The following SLC9A2 variants were observed in gnomAD, a reference collection of about 807,000 sequenced individuals.
SLC9A2 encodes the protein solute carrier family 9 member A2.
Under a neutral mutation model 71.7 loss-of-function variants are expected in SLC9A2, and 42 were observed. The observed-to-expected ratio is 0.59, with a 90% CI of 0.46 to 0.76. The LOEUF is 0.76. SLC9A2 is among the 30% of genes least tolerant of loss of function. SLC9A2 has a pLI of 0.00. For missense variants in SLC9A2, 829 were observed against 1,017.4 expected, an observed-to-expected ratio of 0.81 and a Z score of 2.52; for synonymous variants, 396 against 392.5, an observed-to-expected ratio of 1.01 and a Z score of -0.10.
rs779844156 is a variant in SLC9A2, at chr2:102,705,848, T to A, written c.1980T>A (p.Ala660=). The A allele has an allele frequency of 6.3e-7, 1 of 1,582,584 alleles. No homozygotes were observed. Among genetic ancestry groups the A allele is most frequent in the East Asian group, 2.3e-5 (1 of 44,192 alleles). ...KDSSLNREHR[A]STSTSRYLSL... Reference sequence around the variant, plus strand: ...AAGATTTTATATTTCTTTTACAGGCTTCCACTTCAACCTCCCGATATTTAT... The same window carrying A: ...AAGATTTTATATTTCTTTTACAGGCATCCACTTCAACCTCCCGATATTTAT... The change falls in exon 11 of 12, where the codon GCT becomes GCA. Residue 660 remains alanine, a splice_region_variant and synonymous_variant. Transcript: ENST00000233969.
chr2:102,679,580 A>G, intron 3 of SLC9A2, among the ~76,000 whole-genome samples: 1 of 151,980 alleles, frequency 6.6e-6, no homozygotes, highest in Non-Finnish European at 1.5e-5. Flanking sequence ...GGGTTTCACC[A>G]TGTTAGCCAG....
Position 102,701,125 on chromosome 2 carries a change from C to A in SLC9A2, c.1642C>A (p.Pro548Thr), listed in dbSNP as rs757730533. The A allele has an allele frequency of 6.2e-7, 1 of 1,610,326 alleles. No individual in the cohort carries two copies. Among genetic ancestry groups the A allele is most frequent in the Non-Finnish European group, 8.5e-7 (1 of 1,178,546 alleles). The part of the protein sequence containing the change: ...LRKLLIRENQ[P>T]KSSIVSLYKK... ...GAAGCTTTTGATTCGGGAAAACCAACCAAAGTCAAGTATTGTATCTTTATA... is the reference window on the plus strand; with the variant it reads ...GAAGCTTTTGATTCGGGAAAACCAAACAAAGTCAAGTATTGTATCTTTATA... Residue 548 changes from proline to threonine, a missense_variant, in exon 8 of 12, where the codon CCA (proline) becomes ACA (threonine). This residue lies in a region of SLC9A2 where 500 missense variants were observed against 726.3 expected (regional missense o/e 0.69). Transcript: ENST00000233969.
chr2:102,628,807 C>T (rs1265841784), intron 1 of SLC9A2, among the ~76,000 whole-genome samples: 2 of 151,962 alleles, frequency 1.3e-5, no homozygotes, highest in African/African-American at 4.8e-5. Context: ...CCTAAGCCTC[C>T]CAAGTAGCTG....
chr2:102,631,995 G>GAGATAC (rs1379688833), intron 1 of SLC9A2, among the ~76,000 whole-genome samples: 7 of 43,230 alleles, frequency 1.6e-4, no homozygotes, highest in African/African-American at 5.6e-4. Context: ...TGAAAGTGGG[G>GAGATAC]ATATATATAT....
At position 102,708,393 on chromosome 2, in the gene SLC9A2, G is replaced by A. The variant is rs941484933; in HGVS notation, c.2343G>A (p.Leu781=). 2.5e-6 allele frequency: 4 copies of A among 1,614,088 alleles called. No homozygotes were observed. The African/African-American group carries it at 4.0e-5, about 16-fold the overall frequency. Residue 781 remains leucine, a synonymous_variant, in exon 12 of 12, where the codon TTG becomes TTA. Coordinates refer to ENST00000233969, the MANE Select transcript of SLC9A2 (RefSeq NM_003048.6). ...DQSGSEREDS[L]TEGIPPKPPP... is the part of the protein sequence containing the mutation. ...CTGGCTCAGAGAGGGAAGACAGTTT[G>A]ACTGAAGGCATCCCGCCCAAGCCGC...
At chr2:102,685,146 G>A (rs1297340015) in intron 5 of SLC9A2, among the ~76,000 whole-genome samples, 1 of 152,236 alleles carries the variant, frequency 6.6e-6, no homozygotes, top group African/African-American at 2.4e-5. Flanking sequence ...TGAGATTTGA[G>A]CAAAGACATG....
intron 7 of SLC9A2, among the ~76,000 whole-genome samples, chr2:102,696,069 G>A (rs1179692353): frequency 6.6e-6 from 1 of 151,918 alleles, no homozygotes; most frequent in Non-Finnish European, 1.5e-5. Flanking sequence ...TGACAGCAGA[G>A]CTAGGAGCAG....
rs1677968092 is a variant in SLC9A2, at chr2:102,705,991, A to C, written c.2068+55A>C. ...TTAAATTTATTTGCCAATGTTTATA[A>C]ACTAGACAAATTTTCCTATTATTTT... On this transcript the variant is annotated intron_variant, in intron 11 of 11. Coordinates refer to ENST00000233969, the MANE Select transcript of SLC9A2 (RefSeq NM_003048.6). 3.8e-6 allele frequency: 4 copies of C among 1,048,936 alleles called. 1 individual carries two copies. The East Asian group carries it at 9.9e-5, about 26-fold the overall frequency. The allele number at this position is 1,048,936 out of a possible 1,614,324, so 65.0% of individuals were successfully genotyped here.
chr2:102,709,953 C>T lies in SLC9A2; in HGVS notation c.*1464C>T, dbSNP rs1179918610. 1.3e-5 allele frequency: 2 copies of T among 152,410 alleles called. No individual in the cohort carries two copies. The highest frequency in any genetic ancestry group is 2.4e-5 in the African/African-American group (1 of 41,422). The allele number at this position is 152,410 out of a possible 1,614,324, so 9.4% of individuals were successfully genotyped here. A position where few individuals can be genotyped will look rare whatever the true frequency, so the allele number is the denominator to read the frequency against. ...GCCTACAGTATTATCAGGAGGAGAA[C>T]ATGAAAATATTAAGACAAAAATCCT... On this transcript the variant is annotated 3_prime_UTR_variant, in exon 12 of 12. Coordinates refer to ENST00000233969, the MANE Select transcript of SLC9A2 (RefSeq NM_003048.6).
intron 2 of SLC9A2, among the ~76,000 whole-genome samples, chr2:102,664,377 T>C (rs1375122030): frequency 6.6e-6 from 1 of 152,144 alleles, no homozygotes; most frequent in Admixed American, 6.6e-5. Context: ...AATCTATTTT[T>C]AATTGTTCTT....
intron 3 of SLC9A2, among the ~76,000 whole-genome samples, chr2:102,667,489 G>T (rs1455700430): frequency 6.6e-6 from 1 of 152,196 alleles, no homozygotes; most frequent in African/African-American, 2.4e-5. Context: ...GCTATTGGGG[G>T]AAAGTTGAAG....
intron 9 of SLC9A2, among the ~76,000 whole-genome samples, chr2:102,703,647 T>C (rs1215792809): frequency 6.6e-6 from 1 of 152,240 alleles, no homozygotes; most frequent in East Asian, 1.9e-4. Flanking sequence ...TGAAGCCTTG[T>C]TCTGTGTTAT....
At chr2:102,620,324 C>G (rs148506624) in intron 1 of SLC9A2, among the ~76,000 whole-genome samples, 187 bp downstream of exon 1, 26 of 152,152 alleles carry the variant, frequency 1.7e-4, no homozygotes, top group African/African-American at 5.6e-4. Flanking sequence ...CGTTTTGGTT[C>G]TTAAGGGAAC....
intron 7 of SLC9A2, among the ~76,000 whole-genome samples, chr2:102,698,624 A>G (rs1194104893): frequency 1.3e-5 from 2 of 152,116 alleles, no homozygotes; most frequent in Non-Finnish European, 2.9e-5. Flanking sequence ...GGCTAGATCT[A>G]TCTGGTGTGA....
chr2:102,659,323 C>G lies in SLC9A2; in HGVS notation c.753+1296C>G, dbSNP rs567680745. ...GGGCATGGTGGTGAGCGCCTGTTAT[C>G]CCAGCTACTTGGGAGGCTGAAGTGA... On this transcript the variant is annotated intron_variant, in intron 2 of 11. Coordinates refer to ENST00000233969, the MANE Select transcript of SLC9A2 (RefSeq NM_003048.6). Among the ~76,000 whole-genome samples, 105 of 151,878 alleles carry G rather than the reference C, an allele frequency of 6.9e-4. 3 individuals are homozygous for G. The South Asian group carries it at 0.021, about 31-fold the overall frequency.
intron 1 of SLC9A2, among the ~76,000 whole-genome samples, chr2:102,650,472 C>T (rs998643167): frequency 6.6e-6 from 1 of 151,980 alleles, no homozygotes; most frequent in Non-Finnish European, 1.5e-5. Flanking sequence ...GCACATGTAT[C>T]CCGGAAATTA....
chr2:102,634,742 A>G (rs1676435212), intron 1 of SLC9A2, among the ~76,000 whole-genome samples: 1 of 152,188 alleles, frequency 6.6e-6, no homozygotes, highest in Non-Finnish European at 1.5e-5. Context: ...AGTTGTTTGC[A>G]ATGAAAAAGA....
intron 1 of SLC9A2, among the ~76,000 whole-genome samples, chr2:102,629,375 A>G (rs978650400): frequency 2.6e-5 from 4 of 152,056 alleles, no homozygotes; most frequent in Non-Finnish European, 4.4e-5. Context: ...TTGCGCATGT[A>G]CTTTTTTTCC....
At chr2:102,697,464 A>C (rs1183693834) in intron 7 of SLC9A2, 1 of 151,934 alleles carries the variant, frequency 6.6e-6, no homozygotes, top group East Asian at 2.0e-4. Context: ...TCCATGCCTG[A>C]AAGGTAATGT....
Sources: gnomAD v4.1 joint callset for allele counts (sites outside exome capture counted in the v4.1 genomes callset) on GRCh38, gnomAD v4.1.1 for gene constraint, gnomAD v4.1.1 regional missense constraint, MANE v1.5 for transcripts, NCBI Gene and HGNC (gene_info 2026-07-23, HGNC 2026-07-21) for gene names.